Variants in RAB38 observed in about 807,000 individuals in gnomAD.
RAB38 encodes the protein ras-related protein Rab-38.
Under a neutral mutation model 18.4 loss-of-function variants are expected in RAB38, and 15 were observed. The ratio of observed to expected loss-of-function variants is 0.82; its 90% CI spans 0.55 to 1.26. RAB38 has a LOEUF of 1.26. Ranked by LOEUF, RAB38 falls within the 50% of genes most tolerant of loss-of-function variation. The probability of loss-of-function intolerance (pLI) is 0.00; values close to 1 mark genes in which losing one functional copy is unlikely to be tolerated. For missense variants in RAB38, 294 were observed against 267.4 expected, an observed-to-expected ratio of 1.10 and a Z score of -0.69; for synonymous variants, 101 against 104.4, an observed-to-expected ratio of 0.97 and a Z score of 0.20.
chr11:87,946,468 C>A, the RAB38 span, among the ~76,000 whole-genome samples: 4 of 152,054 alleles, frequency 2.6e-5, no homozygotes, highest in Non-Finnish European at 5.9e-5. Flanking sequence ...TATACATGTG[C>A]CATGTTGGTG....
chr11:88,039,349 C>T, the RAB38 span, among the ~76,000 whole-genome samples: 1 of 151,794 alleles, frequency 6.6e-6, no homozygotes, highest in Non-Finnish European at 1.5e-5. Flanking sequence ...AAAAAAACTT[C>T]AGCTACTTTT....
At chr11:87,877,147 G>T in the RAB38 span, among the ~76,000 whole-genome samples, 6 of 151,446 alleles carry the variant, frequency 4.0e-5, no homozygotes, top group Admixed American at 1.3e-4. Context: ...TACCATACGT[G>T]CTGAGGACCT....
chr11:87,828,640 C>T, the RAB38 span, among the ~76,000 whole-genome samples: 1 of 152,162 alleles, frequency 6.6e-6, no homozygotes. Flanking sequence ...AGTGACACTG[C>T]AGAGGCTCAT....
the RAB38 span, among the ~76,000 whole-genome samples, chr11:88,102,589 A>T: frequency 6.6e-6 from 1 of 152,238 alleles, no homozygotes; most frequent in African/African-American, 2.4e-5. Flanking sequence ...CCAGCTAAAA[A>T]GTATATATTC....
At chr11:87,858,387 G>C in the RAB38 span, among the ~76,000 whole-genome samples, 3 of 152,112 alleles carry the variant, frequency 2.0e-5, no homozygotes, top group African/African-American at 7.2e-5. Context: ...ATGCTCCAAG[G>C]AACTCTGGAC....
chr11:87,954,544 G>A, the RAB38 span, among the ~76,000 whole-genome samples: 2 of 151,484 alleles, frequency 1.3e-5, no homozygotes, highest in Non-Finnish European at 2.9e-5. Flanking sequence ...GCTAGAGAAG[G>A]AACAGCCTTG....
the RAB38 span, among the ~76,000 whole-genome samples, chr11:87,900,731 G>C: frequency 6.7e-6 from 1 of 150,310 alleles, no homozygotes; most frequent in East Asian, 2.0e-4. Context: ...AGGGAAGAAG[G>C]AAGAGGGAGG....
intron 2 of RAB38, among the ~76,000 whole-genome samples, chr11:88,127,873 T>C (rs1175202256): frequency 2.0e-5 from 3 of 152,206 alleles, no homozygotes; most frequent in Non-Finnish European, 2.9e-5. Flanking sequence ...AATTACTTTT[T>C]AAAATTTACC....
chr11:88,076,531 T>C, the RAB38 span, among the ~76,000 whole-genome samples: 5 of 152,160 alleles, frequency 3.3e-5, no homozygotes, highest in East Asian at 9.6e-4. Context: ...ACTTAAAGAC[T>C]CCATCAGAAA....
At chr11:87,829,342 C>T in the RAB38 span, among the ~76,000 whole-genome samples, 6 of 152,148 alleles carry the variant, frequency 3.9e-5, no homozygotes, top group Non-Finnish European at 7.4e-5. Context: ...TTCATTTTCT[C>T]ACTGCTAGAA....
At chr11:87,868,696 C>T in the RAB38 span, among the ~76,000 whole-genome samples, 1 of 151,294 alleles carries the variant, frequency 6.6e-6, no homozygotes, top group African/African-American at 2.4e-5. Flanking sequence ...ACTCCTAGCA[C>T]AGGATTTCCC....
At chr11:87,873,584 C>T in the RAB38 span, among the ~76,000 whole-genome samples, 13 of 151,462 alleles carry the variant, frequency 8.6e-5, no homozygotes, top group Non-Finnish European at 1.5e-4. Flanking sequence ...AGTTTCATAA[C>T]TTTGCATTTA....
the RAB38 span, among the ~76,000 whole-genome samples, chr11:88,104,969 C>T: frequency 6.6e-6 from 1 of 152,064 alleles, no homozygotes; most frequent in Admixed American, 6.6e-5. Flanking sequence ...TGCACTTTCA[C>T]AAAATTTTTA....
the RAB38 span, among the ~76,000 whole-genome samples, chr11:87,974,856 A>C: frequency 3.3e-5 from 5 of 152,040 alleles, no homozygotes; most frequent in East Asian, 9.7e-4. Context: ...ACAAACAAAC[A>C]AAACTCTTTA....
chr11:88,024,519 A>T, the RAB38 span, among the ~76,000 whole-genome samples: 1 of 152,218 alleles, frequency 6.6e-6, no homozygotes, highest in African/African-American at 2.4e-5. Flanking sequence ...GTGATCCAGC[A>T]ATTCCGTTGC....
chr11:88,019,593 A>G, the RAB38 span, among the ~76,000 whole-genome samples: 2 of 152,298 alleles, frequency 1.3e-5, no homozygotes, highest in East Asian at 3.9e-4. Context: ...TAAAGTTCTT[A>G]AAATGGCTCA....
chr11:87,812,715 C>A, the RAB38 span, among the ~76,000 whole-genome samples: 1 of 152,198 alleles, frequency 6.6e-6, no homozygotes, highest in Non-Finnish European at 1.5e-5. Context: ...GAATAGACTT[C>A]TTGGCTTTTG....
At chr11:87,950,376 C>T in the RAB38 span, among the ~76,000 whole-genome samples, 55 of 152,214 alleles carry the variant, frequency 3.6e-4, 1 homozygote, top group Non-Finnish European at 5.6e-4. Flanking sequence ...GAGCATTTAG[C>T]CCATTTACAT....
chr11:87,919,054 T>C, the RAB38 span, among the ~76,000 whole-genome samples: 1 of 152,046 alleles, frequency 6.6e-6, no homozygotes, highest in Admixed American at 6.6e-5. Flanking sequence ...GGGATAAGGG[T>C]CTAATGTCAT....
Sources: allele counts gnomAD v4.1 joint callset (sites outside exome capture counted in the v4.1 genomes callset), GRCh38; gene constraint gnomAD v4.1.1; transcripts MANE v1.5; gene names NCBI Gene and HGNC (gene_info 2026-07-23, HGNC 2026-07-21).